The following UGGT2 variants were observed in gnomAD, a reference collection of about 807,000 sequenced individuals.
UGGT2 encodes UDP-glucose:glycoprotein glucosyltransferase 2.
Under a neutral mutation model 192.1 loss-of-function variants are expected in UGGT2, and 180 were observed. The observed-to-expected ratio is 0.94, with a 90% CI of 0.83 to 1.06. UGGT2 has a LOEUF of 1.06. Among genes scored for constraint, UGGT2 ranks in the 50% least tolerant of loss-of-function variants. The pLI is 0.00. For missense variants in UGGT2, 1,849 were observed against 1,795.7 expected (o/e 1.03, Z -0.54); for synonymous variants, 580 against 591.0 (o/e 0.98, Z 0.27).
chr13:95,939,936 T>C, intron 16 of UGGT2, 21 bp downstream of exon 16: 1 of 1,578,442 alleles, frequency 6.3e-7, no homozygotes, highest in Non-Finnish European at 8.6e-7. Flanking sequence ...CTACTCCACT[T>C]AACATAATGT....
At chr13:95,853,255 CT>C (rs1209387349) in intron 36 of UGGT2, among the ~76,000 whole-genome samples, 2 of 152,102 alleles carry the variant, frequency 1.3e-5, no homozygotes, top group African/African-American at 4.8e-5. Context: ...TTGGGTATAT[CT>C]TTATTAGCAG....
At chr13:95,915,409 C>A (rs367992243) in intron 20 of UGGT2, among the ~76,000 whole-genome samples, 1 of 152,290 alleles carries the variant, frequency 6.6e-6, no homozygotes, top group Admixed American at 6.5e-5. Context: ...TCCCTATGCA[C>A]GCTACCCCTG....
intron 38 of UGGT2, among the ~76,000 whole-genome samples, chr13:95,819,157 A>T (rs1376476804): frequency 6.6e-6 from 1 of 152,346 alleles, no homozygotes; most frequent in South Asian, 2.1e-4. Flanking sequence ...AAAAGTTTTT[A>T]AATATTGATA....
intron 17 of UGGT2, 77 bp downstream of exon 17, chr13:95,936,847 T>C: frequency 1.6e-6 from 2 of 1,273,450 alleles, no homozygotes; most frequent in Non-Finnish European, 1.0e-6. Context: ...AATCAACTTC[T>C]GTCATTAAAA....
At chr13:95,940,540 A>G (rs978378256) in intron 15 of UGGT2, among the ~76,000 whole-genome samples, 1 of 148,774 alleles carries the variant, frequency 6.7e-6, no homozygotes, top group African/African-American at 2.5e-5. Flanking sequence ...TGCAGCTTCA[A>G]CCTCCCAGCT....
chr13:95,904,203 TTTATTGGTA>T (rs1338708900), intron 20 of UGGT2, among the ~76,000 whole-genome samples: 4 of 152,266 alleles, frequency 2.6e-5, no homozygotes, highest in South Asian at 4.1e-4. Flanking sequence ...AGTAGTTCCA[TTTATTGGTA>T]TTATACCTGA....
chr13:95,864,663 C>T (rs1358709855), intron 30 of UGGT2, among the ~76,000 whole-genome samples: 1 of 152,044 alleles, frequency 6.6e-6, no homozygotes, highest in Non-Finnish European at 1.5e-5. Context: ...TAATCTTTTC[C>T]AGTTTATTAC....
intron 23 of UGGT2, 143 bp downstream of exon 23, chr13:95,895,037 T>G: frequency 3.6e-6 from 3 of 842,534 alleles, no homozygotes; most frequent in Non-Finnish European, 5.1e-6. Context: ...ATGGATGCCT[T>G]TTATTATTTG....
chr13:95,907,655 G>A (rs2048335697), intron 20 of UGGT2, among the ~76,000 whole-genome samples: 1 of 152,180 alleles, frequency 6.6e-6, no homozygotes, highest in Non-Finnish European at 1.5e-5. Context: ...TGCAGCTGAG[G>A]GACCTGTTAG....
intron 15 of UGGT2, among the ~76,000 whole-genome samples, chr13:95,941,626 T>C (rs73560842): frequency 0.021 from 3,230 of 152,284 alleles, 112 homozygotes; most frequent in African/African-American, 0.074. Context: ...AAATATTAGA[T>C]ACTCATAAAA....
At chr13:95,940,869 A>G (rs1214672438) in intron 15 of UGGT2, among the ~76,000 whole-genome samples, 1 of 152,226 alleles carries the variant, frequency 6.6e-6, no homozygotes, top group Non-Finnish European at 1.5e-5. Context: ...TTGAGACTAC[A>G]GGCATAAGCC....
chr13:95,828,151 T>C (rs1222533951), intron 38 of UGGT2, among the ~76,000 whole-genome samples: 1 of 152,038 alleles, frequency 6.6e-6, no homozygotes, highest in Non-Finnish European at 1.5e-5. Flanking sequence ...TATCAGAATC[T>C]CTGGGACACA....
chr13:95,887,288 A>G, intron 26 of UGGT2: 1 of 516,596 alleles, frequency 1.9e-6, no homozygotes, highest in South Asian at 1.4e-5. Flanking sequence ...TTTCTGCCCA[A>G]TGACACATGA....
intron 38 of UGGT2, among the ~76,000 whole-genome samples, chr13:95,820,742 T>A (rs1242632239): frequency 6.6e-6 from 1 of 151,938 alleles, no homozygotes; most frequent in Non-Finnish European, 1.5e-5. Context: ...CAGTCTTTTA[T>A]CCCTCACTCC....
chr13:95,854,155 G>A (rs1047815921), intron 35 of UGGT2, among the ~76,000 whole-genome samples, 160 bp downstream of exon 35: 2 of 152,108 alleles, frequency 1.3e-5, no homozygotes, highest in South Asian at 2.1e-4. Context: ...CTTAATATAC[G>A]TAAAGGCTTA....
intron 12 of UGGT2, among the ~76,000 whole-genome samples, chr13:95,958,728 A>G (rs866806258): frequency 6.6e-6 from 1 of 152,146 alleles, no homozygotes; most frequent in Admixed American, 6.5e-5. Flanking sequence ...AAGGGAGCAC[A>G]CTGGAATTCA....
At chr13:95,827,968 C>A (rs28503176) in intron 38 of UGGT2, among the ~76,000 whole-genome samples, 20 of 152,166 alleles carry the variant, frequency 1.3e-4, no homozygotes, top group South Asian at 8.3e-4. Context: ...CCCTATACCA[C>A]GACTTCACCT....
intron 1 of UGGT2, among the ~76,000 whole-genome samples, chr13:96,045,024 GAAA>G (rs1272272896): frequency 6.6e-6 from 1 of 151,598 alleles, no homozygotes; most frequent in Non-Finnish European, 1.5e-5. Flanking sequence ...CCAAAACCAG[GAAA>G]AAAACATAAC....
At position 96,031,322 on chromosome 13, in the gene UGGT2, G is replaced by T. The variant is rs1031326767; in HGVS notation, c.241+567C>A. ...AAGAAAACTATCTTAATTTTTTTGGGGGGGGACAGGGGAGACAAGGCCTCT... is the reference window on the plus strand; with the variant it reads ...AAGAAAACTATCTTAATTTTTTTGGTGGGGGACAGGGGAGACAAGGCCTCT... On this transcript the variant is annotated intron_variant, in intron 2 of 38. Transcript: ENST00000376747. Among the ~76,000 whole-genome samples, 5 of 151,822 alleles carry T rather than the reference G, an allele frequency of 3.3e-5. 1 individual carries two copies. Among genetic ancestry groups the T allele is most frequent in the Admixed American group, 6.6e-5 (1 of 15,252 alleles).
Sources: gnomAD v4.1 joint callset for allele counts (sites outside exome capture counted in the v4.1 genomes callset) on GRCh38, gnomAD v4.1.1 for gene constraint, MANE v1.5 for transcripts, NCBI Gene and HGNC (gene_info 2026-07-23, HGNC 2026-07-21) for gene names.